PCDHGA9: variants seen among roughly 807,000 people sequenced by gnomAD.
The protein encoded by PCDHGA9 is protocadherin gamma subfamily A, 9.
Under a neutral mutation model 62.5 loss-of-function variants are expected in PCDHGA9, and 37 were observed. The ratio of observed to expected loss-of-function variants is 0.59; its 90% CI spans 0.46 to 0.78. The LOEUF (loss-of-function observed/expected upper bound fraction) is 0.78, where lower values mean the gene tolerates loss of function less well. Among genes scored for constraint, PCDHGA9 ranks in the 30% least tolerant of loss-of-function variants. The pLI is 0.00. For synonymous variants in PCDHGA9, 459 were observed against 484.6 expected, an observed-to-expected ratio of 0.95 and a Z score of 0.69; for missense variants, 1,138 against 1,166.2, an observed-to-expected ratio of 0.98 and a Z score of 0.35.
At chr5:141,441,848 T>C (rs1034278597) in intron 1 of PCDHGA9, 2 of 356,906 alleles carry the variant, frequency 5.6e-6, no homozygotes, top group South Asian at 2.4e-5. Context: ...CTCTTGGATA[T>C]GGTGCTGCAC....
In PCDHGA9 at chr5:141,487,938, G is replaced by A; in HGVS notation, c.2425-6869G>A. ...GAGGCTACAGTGCACAGGGTACAGT[G>A]CACCAGGCAGTCACTTGGACAAAGG... is the stretch of plus-strand genomic sequence containing the variant. On this transcript the variant is annotated intron_variant, in intron 1 of 3. Coordinates refer to ENST00000573521, the MANE Select transcript of PCDHGA9 (RefSeq NM_018921.3). This position sits in a 1 kb window ranked among gnomAD's most constrained non-coding sequence, Gnocchi z 5.0. 1.7e-6 allele frequency: 1 copy of A among 600,308 alleles called. No homozygotes were observed. The highest frequency in any genetic ancestry group is 2.9e-6 in the Non-Finnish European group (1 of 342,970). 37.2% of individuals were successfully genotyped at this position (600,308 alleles called of 1,614,324 possible).
In PCDHGA9 at chr5:141,510,272, T is replaced by TAAA. The variant is rs546154379; in HGVS notation, c.2573-658_2573-656dup. 1.5e-3 allele frequency among the ~76,000 whole-genome samples: 198 copies of TAAA among 130,372 alleles called. 1 individual carries two copies. Among genetic ancestry groups the TAAA allele is most frequent in the Non-Finnish European group, 2.8e-3 (172 of 61,058 alleles). The allele number at this position is 130,372 out of a possible 152,430, so 85.5% of individuals were successfully genotyped here. ...TGGGCGACAGAGCAGGACTCCATCTTAAAAAAAAAAAAAAAAAAATGCTGT... is the reference window on the plus strand; with the variant it reads ...TGGGCGACAGAGCAGGACTCCATCTTAAAAAAAAAAAAAAAAAAAAAATGCTGT... On this transcript the variant is annotated intron_variant, in intron 3 of 3. Coordinates refer to ENST00000573521, the MANE Select transcript of PCDHGA9 (RefSeq NM_018921.3).
intron 1 of PCDHGA9, among the ~76,000 whole-genome samples, chr5:141,426,030 G>A (rs966664613): frequency 1.3e-5 from 2 of 152,168 alleles, no homozygotes; most frequent in Admixed American, 6.5e-5. Context: ...AATAGACTCA[G>A]AGCCCTGCTG....
At chr5:141,484,120 C>A (rs1158603108) in intron 1 of PCDHGA9, among the ~76,000 whole-genome samples, 1 of 152,146 alleles carries the variant, frequency 6.6e-6, no homozygotes, top group African/African-American at 2.4e-5. Flanking sequence ...ATCAAGAATA[C>A]CTTGGTGTCA....
chr5:141,418,339 T>G (rs779598961), intron 1 of PCDHGA9: 2 of 1,614,012 alleles, frequency 1.2e-6, no homozygotes, highest in Non-Finnish European at 1.7e-6. Context: ...CAGAAGATCC[T>G]GATATTAGTA....
intron 1 of PCDHGA9, among the ~76,000 whole-genome samples, chr5:141,465,048 AT>A (rs905091014): frequency 4.0e-5 from 6 of 151,346 alleles, no homozygotes; most frequent in African/African-American, 9.7e-5. Context: ...GACCCTATAT[AT>A]TTTTTTGAAT....
chr5:141,450,815 ATAT>A (rs1420984335), intron 1 of PCDHGA9, among the ~76,000 whole-genome samples: 6 of 126,742 alleles, frequency 4.7e-5, no homozygotes, highest in South Asian at 2.4e-4. Flanking sequence ...TATTTATTTA[ATAT>A]TATTATTATT....
chr5:141,441,762 C>A (rs3805697), intron 1 of PCDHGA9: 10 of 374,012 alleles, frequency 2.7e-5, no homozygotes, highest in Non-Finnish European at 2.2e-5. Flanking sequence ...CGTGAGCCTG[C>A]GCGTGTTGGT....
At chr5:141,428,001 T>G (rs149531447) in intron 1 of PCDHGA9, 10 of 1,601,704 alleles carry the variant, frequency 6.2e-6, no homozygotes, top group Non-Finnish European at 8.5e-6. Flanking sequence ...CTCCGCACTC[T>G]TCGATATAGT....
chr5:141,486,284 C>G lies in PCDHGA9; in HGVS notation c.2425-8523C>G, dbSNP rs1259853159. ...TGCAGAACCTGGCACTGTGGTGGCA[C>G]TTATCAGTGTGCAGGATCCAGACTC... On this transcript the variant is annotated intron_variant, in intron 1 of 3. Transcript: ENST00000573521. This position sits in a 1 kb window ranked among gnomAD's most constrained non-coding sequence, Gnocchi z 5.0. The G allele has an allele frequency of 6.2e-7, 1 of 1,614,050 alleles. No homozygotes were observed. The highest frequency in any genetic ancestry group is 8.5e-7 in the Non-Finnish European group (1 of 1,179,988).
chr5:141,427,705 C>T (rs2097059995), intron 1 of PCDHGA9: 1 of 983,052 alleles, frequency 1.0e-6, no homozygotes, highest in African/African-American at 1.6e-5. Flanking sequence ...CAAGTCAGCG[C>T]CTCTGACCTG....
chr5:141,464,517 G>A lies in PCDHGA9; in HGVS notation c.2425-30290G>A, dbSNP rs1487703873. 2.0e-5 allele frequency among the ~76,000 whole-genome samples: 3 copies of A among 151,862 alleles called. No individual in the cohort carries two copies. In the South Asian group the frequency reaches 6.2e-4, roughly 32 times the overall value. On this transcript the variant is annotated intron_variant, in intron 1 of 3. Transcript: ENST00000573521. ...GTGATTGCTGCATCATAAGGTAAAG[G>A]CATATGTAGTTTTGTTAAATATAGC...
At chr5:141,408,078 C>G in intron 1 of PCDHGA9, 1 of 1,407,992 alleles carries the variant, frequency 7.1e-7, no homozygotes, top group Non-Finnish European at 9.4e-7. Context: ...CCTTTCCCAG[C>G]ACAGCGGATT....
At chr5:141,501,570 G>C (rs1251110101) in intron 2 of PCDHGA9, among the ~76,000 whole-genome samples, 1 of 151,996 alleles carries the variant, frequency 6.6e-6, no homozygotes, top group African/African-American at 2.4e-5. Flanking sequence ...ATCATATTAG[G>C]CTGGCTTTCA....
chr5:141,417,910 A>G (rs1339671115), intron 1 of PCDHGA9: 2 of 1,599,246 alleles, frequency 1.3e-6, no homozygotes, highest in East Asian at 2.3e-5. Flanking sequence ...GGCAGGTACT[A>G]TTTCCTTTGC....
chr5:141,426,829 A>G, intron 1 of PCDHGA9: 2 of 456,716 alleles, frequency 4.4e-6, no homozygotes, highest in South Asian at 3.1e-5. Context: ...CTGATGATGG[A>G]CAAGACTAAA....
At position 141,487,886 on chromosome 5, in the gene PCDHGA9, G is replaced by A. The variant is rs1208779156; in HGVS notation, c.2425-6921G>A. On this transcript the variant is annotated intron_variant, in intron 1 of 3. Transcript: ENST00000573521. This position sits in a 1 kb window ranked among gnomAD's most constrained non-coding sequence, Gnocchi z 5.0. ...GATCAAGAGCCAGGCTGTTGTGGAA[G>A]CATGATGATGGAATGTGGGAGCACA... is the stretch of plus-strand genomic sequence containing the variant. 1.3e-6 allele frequency: 1 copy of A among 751,316 alleles called. No individual in the cohort carries two copies. The highest frequency in any genetic ancestry group is 2.1e-6 in the Non-Finnish European group (1 of 467,526). The allele number at this position is 751,316 out of a possible 1,614,324, so 46.5% of individuals were successfully genotyped here.
rs374655655 is a variant in PCDHGA9, at chr5:141,431,023, C to A, written c.2424+25647C>A. 1 of 1,613,748 alleles carries A rather than the reference C, an allele frequency of 6.2e-7. No homozygotes were observed. The highest frequency in any genetic ancestry group is 2.2e-5 in the East Asian group (1 of 44,862). On this transcript the variant is annotated intron_variant, in intron 1 of 3. Coordinates refer to ENST00000573521, the MANE Select transcript of PCDHGA9 (RefSeq NM_018921.3). The surrounding 1 kb of genome is among the most constrained non-coding windows in gnomAD (Gnocchi z 4.8). ...GCAGCGGCAGCTTGGTCACGGCGGG[C>A]AGGATAGACCGGGAGGAGCTCTGTA...
Position 141,510,938 on chromosome 5 carries a change from T to A in PCDHGA9, c.2573-9T>A. 1 of 1,614,026 alleles carries A rather than the reference T, an allele frequency of 6.2e-7. No homozygotes were observed. Among genetic ancestry groups the A allele is most frequent in the Non-Finnish European group, 8.5e-7 (1 of 1,179,984 alleles). ...TTAGCTCCCACCTGATCTTCCTCTG[T>A]CTCTGCAGAAGCTGCTGATGGGAGC... On this transcript the variant is annotated splice_polypyrimidine_tract_variant and intron_variant, in intron 3 of 3. Coordinates refer to ENST00000573521, the MANE Select transcript of PCDHGA9 (RefSeq NM_018921.3).
Sources: allele counts gnomAD v4.1 joint callset (sites outside exome capture counted in the v4.1 genomes callset), GRCh38; gene constraint gnomAD v4.1.1; non-coding constraint Gnocchi (gnomAD v3.1); transcripts MANE v1.5; gene names NCBI Gene and HGNC (gene_info 2026-07-23, HGNC 2026-07-21).